The following KRT73 variants were observed in gnomAD, a reference collection of about 807,000 sequenced individuals.
The protein encoded by KRT73 is keratin, type II cytoskeletal 73.
A neutral mutation model predicts 47.2 loss-of-function variants in KRT73; 44 were observed. That is an observed-to-expected ratio of 0.93 (90% CI 0.73 to 1.20). The LOEUF is 1.20. Ranked by LOEUF, KRT73 falls within the 50% of genes most tolerant of loss-of-function variation. The pLI is 0.00. For synonymous variants in KRT73, 285 were observed against 291.3 expected, an observed-to-expected ratio of 0.98 and a Z score of 0.22; for missense variants, 713 against 704.5, an observed-to-expected ratio of 1.01 and a Z score of -0.14.
chr12:52,611,361 G>T, intron 5 of KRT73, 32 bp from the exon 6 acceptor site: 1 of 1,613,364 alleles, frequency 6.2e-7, no homozygotes, highest in South Asian at 1.1e-5. Context: ...CAAGAACACT[G>T]ACTCAGGGCT....
In KRT73 at chr12:52,611,218, T is replaced by C; in HGVS notation, c.1096A>G (p.Ser366Gly). Residue 366 changes from serine to glycine, a missense_variant, in exon 6 of 9, where the codon AGT (serine) becomes GGT (glycine). Physicochemically the swap from Ser to Gly is moderately conservative, Grantham distance 56. Transcript: ENST00000305748. ...LIQRLRSEIE[S>G]VKKQCANLET... Reference sequence around the variant, plus strand: ...GTCCCCTTCACCTGCTTCTTCACACTCTCAATCTCCGAGCGCAGTCTTTGG... The same window carrying C: ...GTCCCCTTCACCTGCTTCTTCACACCCTCAATCTCCGAGCGCAGTCTTTGG... 6.2e-7 allele frequency: 1 copy of C among 1,614,106 alleles called. No homozygotes were observed. Among genetic ancestry groups the C allele is most frequent in the South Asian group, 1.1e-5 (1 of 91,068 alleles).
chr12:52,617,474 C>T (rs972098627), intron 1 of KRT73, among the ~76,000 whole-genome samples: 2 of 152,154 alleles, frequency 1.3e-5, no homozygotes, highest in African/African-American at 4.8e-5. Flanking sequence ...TCCAGGGCCA[C>T]CTTTGAGAAC....
chr12:52,627,249 G>A, the KRT73 span, among the ~76,000 whole-genome samples: 1 of 152,308 alleles, frequency 6.6e-6, no homozygotes, highest in East Asian at 1.9e-4. Context: ...TCCCAAGATA[G>A]CATCTGTCTC....
At chr12:52,617,328 C>T (rs1053484677) in intron 1 of KRT73, among the ~76,000 whole-genome samples, 15 of 152,182 alleles carry the variant, frequency 9.9e-5, no homozygotes, top group Admixed American at 5.2e-4. Flanking sequence ...CCTGAGTGTA[C>T]ATCAGCATCA....
chr12:52,616,922 C>T (rs1191478059), intron 1 of KRT73, among the ~76,000 whole-genome samples: 1 of 152,212 alleles, frequency 6.6e-6, no homozygotes, highest in Non-Finnish European at 1.5e-5. Context: ...TCAATCACAG[C>T]ATTGTCCCAG....
rs779445813 is a variant in KRT73 at position 52,618,371 on chromosome 12, C to G, written c.154G>C (p.Gly52Arg). ...GFSSRSLYSL[G>R]GARSISFNVA... Reference sequence around the variant, plus strand: ...TTGAAAGAGATGCTCCGGGCACCCCCCAGGCTGTAAAGGCTCCGACTGCTG... The same window carrying G: ...TTGAAAGAGATGCTCCGGGCACCCCGCAGGCTGTAAAGGCTCCGACTGCTG... Residue 52 changes from glycine (G) to arginine (R), a missense_variant, in exon 1 of 9, where the codon GGG becomes CGG. Gly to Arg is a moderately radical substitution (Grantham distance 125). Transcript: ENST00000305748. 1 of 1,614,102 alleles carries G rather than the reference C, an allele frequency of 6.2e-7. No homozygotes were observed. The highest frequency in any genetic ancestry group is 8.5e-7 in the Non-Finnish European group (1 of 1,180,060).
At chr12:52,630,383 C>A in the KRT73 span, among the ~76,000 whole-genome samples, 1 of 152,222 alleles carries the variant, frequency 6.6e-6, no homozygotes, top group Non-Finnish European at 1.5e-5. Context: ...ACTCACAGAG[C>A]AGCTGGTCCA....
At chr12:52,627,809 G>T in the KRT73 span, among the ~76,000 whole-genome samples, 1 of 152,174 alleles carries the variant, frequency 6.6e-6, no homozygotes, top group African/African-American at 2.4e-5. Context: ...AGGGTCCTTT[G>T]TGCCAACCTT....
the KRT73 span, among the ~76,000 whole-genome samples, chr12:52,627,402 C>G: frequency 4.6e-5 from 7 of 152,170 alleles, no homozygotes; most frequent in African/African-American, 1.7e-4. Context: ...AGGAGTGGCT[C>G]AAAGGCAGGA....
At chr12:52,621,114 C>T (rs1301868492), upstream of KRT73, among the ~76,000 whole-genome samples, 1 of 152,066 alleles carries the variant, frequency 6.6e-6, no homozygotes, top group Non-Finnish European at 1.5e-5. Context: ...GGTTTTCACA[C>T]AGTGAGCTCC....
chr12:52,615,238 C>T, intron 3 of KRT73, 41 bp downstream of exon 3: 1 of 1,545,296 alleles, frequency 6.5e-7, no homozygotes, highest in South Asian at 1.1e-5. Context: ...GCCCAGCACC[C>T]ACTGCTGGGG....
chr12:52,622,433 T>A (rs581870), upstream of KRT73, among the ~76,000 whole-genome samples: 6 of 152,108 alleles, frequency 3.9e-5, no homozygotes, highest in African/African-American at 7.2e-5. Context: ...CCTCCCCATA[T>A]ATGCCTACTG....
chr12:52,622,927 T>C (rs1027244289), upstream of KRT73, among the ~76,000 whole-genome samples: 1 of 151,954 alleles, frequency 6.6e-6, no homozygotes, highest in Non-Finnish European at 1.5e-5. Context: ...CCAATCTGAA[T>C]AATAAAGAGA....
Position 52,608,092 on chromosome 12 carries a change from C to T in KRT73, c.*104G>A, listed in dbSNP as rs1476977739. Reference sequence around the variant, plus strand: ...AGGAGAGGTCCACAGCAAAGCAAAGCAAGAAGGAGATGAGGACAAATGAGA... The same window carrying T: ...AGGAGAGGTCCACAGCAAAGCAAAGTAAGAAGGAGATGAGGACAAATGAGA... On this transcript the variant is annotated 3_prime_UTR_variant, in exon 9 of 9. Transcript: ENST00000305748. 7.8e-7 allele frequency: 1 copy of T among 1,276,710 alleles called. No homozygotes were observed. Among genetic ancestry groups the T allele is most frequent in the Non-Finnish European group, 1.1e-6 (1 of 921,190 alleles). 79.1% of individuals were successfully genotyped at this position (1,276,710 alleles called of 1,614,324 possible). A position where few individuals can be genotyped will look rare whatever the true frequency, so the allele number is the denominator to read the frequency against.
intron 7 of KRT73, chr12:52,609,977 C>T (rs1940659547): frequency 6.5e-6 from 1 of 154,066 alleles, no homozygotes; most frequent in African/African-American, 2.4e-5. Context: ...CTATTATTTT[C>T]CCAGAGATGC....
upstream of KRT73, chr12:52,618,611 T>C (rs1414265337): frequency 2.1e-6 from 3 of 1,416,702 alleles, no homozygotes; most frequent in South Asian, 1.4e-5. Flanking sequence ...TCCCACTTTA[T>C]AGGACTCAAG....
intron 7 of KRT73, 30 bp from the exon 8 acceptor site, chr12:52,609,311 G>T: frequency 6.3e-7 from 1 of 1,598,766 alleles, no homozygotes. Context: ...AGGAGAGTCT[G>T]AATCACGTGG....
intron 5 of KRT73, chr12:52,613,296 A>G (rs1298231371): frequency 6.1e-6 from 1 of 164,288 alleles, no homozygotes; most frequent in South Asian, 1.8e-4. Context: ...TTGATTCCAG[A>G]TCACACTGAA....
At chr12:52,627,558 A>G in the KRT73 span, among the ~76,000 whole-genome samples, 3 of 152,186 alleles carry the variant, frequency 2.0e-5, no homozygotes, top group African/African-American at 7.2e-5. Context: ...CCTTCTGAGC[A>G]AAGCAGGAGA....
Sources: gnomAD v4.1 joint callset for allele counts (sites outside exome capture counted in the v4.1 genomes callset) on GRCh38, gnomAD v4.1.1 for gene constraint, MANE v1.5 for transcripts, NCBI Gene and HGNC (gene_info 2026-07-23, HGNC 2026-07-21) for gene names.